RNF170: variants seen among roughly 807,000 people sequenced by gnomAD.
The protein encoded by RNF170 is E3 ubiquitin-protein ligase RNF170.
A neutral mutation model predicts 32.7 loss-of-function variants in RNF170; 12 were observed. The observed-to-expected ratio is 0.37, with a 90% CI of 0.24 to 0.60. RNF170 has a LOEUF of 0.60. RNF170 is among the 20% of genes least tolerant of loss of function. The pLI is 0.72. For synonymous variants in RNF170, 91 were observed against 103.6 expected, an observed-to-expected ratio of 0.88 and a Z score of 0.74; for missense variants, 212 against 311.2, an observed-to-expected ratio of 0.68 and a Z score of 2.40.
intron 2 of RNF170, among the ~76,000 whole-genome samples, chr8:42,881,967 G>A (rs574131691): frequency 1.3e-3 from 191 of 152,180 alleles, no homozygotes; most frequent in Non-Finnish European, 2.5e-3. Context: ...ATAGACGAAT[G>A]GCCACTAACC....
In RNF170 at chr8:42,853,608, G is replaced by A; in HGVS notation, c.*2551C>T. Reference sequence around the variant, plus strand: ...TCTGTTTTATGACAGTTATGATATTGTTGTTTAAAAAAAATCCAAATTGTT... The same window carrying A: ...TCTGTTTTATGACAGTTATGATATTATTGTTTAAAAAAAATCCAAATTGTT... On this transcript the variant is annotated 3_prime_UTR_variant, in exon 7 of 7. Transcript: ENST00000527424. The A allele has an allele frequency of 1.6e-6, 2 of 1,283,576 alleles. No homozygotes were observed. Among genetic ancestry groups the A allele is most frequent in the African/African-American group, 1.5e-5 (1 of 65,620 alleles). The allele number at this position is 1,283,576 out of a possible 1,614,324, so 79.5% of individuals were successfully genotyped here. A position where few individuals can be genotyped will look rare whatever the true frequency, so the allele number is the denominator to read the frequency against.
In RNF170 at chr8:42,855,215, T is replaced by C. The variant is rs557364723; in HGVS notation, c.*944A>G. ...GAACATCAAGTGTGCTGACTGGAGA[T>C]AAATGTTTTTCATCTTTTTTTTTTT... On this transcript the variant is annotated 3_prime_UTR_variant, in exon 7 of 7. Transcript: ENST00000527424. 191 of 1,268,778 alleles carry C rather than the reference T, an allele frequency of 1.5e-4. No individual in the cohort carries two copies. Among genetic ancestry groups the C allele is most frequent in the Non-Finnish European group, 1.9e-4 (187 of 973,774 alleles). The allele number at this position is 1,268,778 out of a possible 1,614,324, so 78.6% of individuals were successfully genotyped here. A position where few individuals can be genotyped will look rare whatever the true frequency, so the allele number is the denominator to read the frequency against.
At chr8:42,864,800 A>AT (rs11408353) in intron 5 of RNF170, among the ~76,000 whole-genome samples, 151,904 of 151,938 alleles carry the variant, frequency 1, 75,935 homozygotes, top group Middle Eastern at 1. Flanking sequence ...AAGGAAAAAA[A>AT]TTTTTTTTCA....
At chr8:42,862,568 C>T (rs1224329884) in intron 5 of RNF170, among the ~76,000 whole-genome samples, 10 of 152,084 alleles carry the variant, frequency 6.6e-5, no homozygotes, top group East Asian at 3.8e-4. Context: ...GACATAAAAA[C>T]GGGAAGGAGT....
intron 5 of RNF170, among the ~76,000 whole-genome samples, chr8:42,862,292 A>C (rs1208512981): frequency 2.0e-5 from 3 of 152,318 alleles, no homozygotes; most frequent in Non-Finnish European, 4.4e-5. Flanking sequence ...AGATCTTTGA[A>C]TGCTACCAAC....
intron 1 of RNF170, among the ~76,000 whole-genome samples, chr8:42,888,537 C>T (rs1364033113): frequency 3.3e-5 from 5 of 151,200 alleles, no homozygotes; most frequent in East Asian, 2.0e-4. Context: ...CTGAGGCAGG[C>T]GGATCACCTG....
intron 1 of RNF170, among the ~76,000 whole-genome samples, chr8:42,893,806 C>T (rs1806512412): frequency 6.6e-6 from 1 of 152,170 alleles, no homozygotes; most frequent in African/African-American, 2.4e-5. Flanking sequence ...AATCACAGCT[C>T]TAAGTATGTG....
At position 42,861,759 on chromosome 8, in the gene RNF170, C is replaced by T. The variant is rs139600871; in HGVS notation, c.493G>A (p.Gly165Arg). The T allele has an allele frequency of 1.2e-6, 2 of 1,612,454 alleles. No individual in the cohort carries two copies. Among genetic ancestry groups the T allele is most frequent in the East Asian group, 4.5e-5 (2 of 44,864 alleles). Residue 165 changes from glycine (G) to arginine (R), a missense_variant, in exon 6 of 7, where the codon GGG becomes AGG. Coordinates refer to ENST00000527424, the MANE Select transcript of RNF170 (RefSeq NM_030954.4). ...DINDYNRRFS[G>R]QPRSIMERIM... ...GCATTACTTACAGATCTGGGTTGCC[C>T]TGAGAATCTCCGGTTATAATCATTA...
intron 6 of RNF170, chr8:42,861,485 C>A (rs1803655066): frequency 7.3e-6 from 3 of 409,992 alleles, no homozygotes; most frequent in South Asian, 4.5e-5. Flanking sequence ...GGACTACAGG[C>A]ATGTGCCAAC....
intron 2 of RNF170, among the ~76,000 whole-genome samples, chr8:42,875,071 T>C (rs1173694205): frequency 6.6e-6 from 1 of 151,158 alleles, no homozygotes; most frequent in Non-Finnish European, 1.5e-5. Flanking sequence ...CTCAGAAGGC[T>C]GAGGCAGAAG....
intron 1 of RNF170, among the ~76,000 whole-genome samples, chr8:42,892,146 T>C (rs1350869090): frequency 6.6e-6 from 1 of 152,144 alleles, no homozygotes; most frequent in African/African-American, 2.4e-5. Context: ...AATTTCCTTC[T>C]TGAAAAACAG....
Position 42,896,497 on chromosome 8 carries a change from A to G in RNF170, c.-21T>C. The G allele has an allele frequency of 4.4e-6, 2 of 453,902 alleles. No homozygotes were observed. Among genetic ancestry groups the G allele is most frequent in the South Asian group, 3.1e-5 (2 of 64,468 alleles). The allele number at this position is 453,902 out of a possible 1,614,324, so 28.1% of individuals were successfully genotyped here. A position where few individuals can be genotyped will look rare whatever the true frequency, so the allele number is the denominator to read the frequency against. ...CGCCGGACGTACCTCTCCACCGCGAAGGAACTACCTCGCCAGTTCCCGGCG... is the reference window on the plus strand; with the variant it reads ...CGCCGGACGTACCTCTCCACCGCGAGGGAACTACCTCGCCAGTTCCCGGCG... On this transcript the variant is annotated 5_prime_UTR_variant, in exon 1 of 7. Transcript: ENST00000527424.
chr8:42,886,504 C>T (rs1442111208), intron 2 of RNF170, among the ~76,000 whole-genome samples: 1 of 149,430 alleles, frequency 6.7e-6, no homozygotes, highest in Admixed American at 6.6e-5. Flanking sequence ...TGGATCACTG[C>T]AACCTCTGCC....
At chr8:42,871,464 T>A (rs1294549606) in intron 3 of RNF170, among the ~76,000 whole-genome samples, 1 of 152,038 alleles carries the variant, frequency 6.6e-6, no homozygotes, top group African/African-American at 2.4e-5. Context: ...TCCAAAACAG[T>A]CCTAAATCAC....
rs759517049 is a variant in RNF170 at position 42,896,478 on chromosome 8, A to T, written c.-8+6T>A. 3.3e-5 allele frequency: 15 copies of T among 453,696 alleles called. No homozygotes were observed. The highest frequency in any genetic ancestry group is 2.8e-4 in the African/African-American group (14 of 49,922). 28.1% of individuals were successfully genotyped at this position (453,696 alleles called of 1,614,324 possible). A position where few individuals can be genotyped will look rare whatever the true frequency, so the allele number is the denominator to read the frequency against. The stretch of plus-strand genomic sequence containing the variant: ...GGTGGGCGTGGCCGCCGCGCGCCGG[A>T]CGTACCTCTCCACCGCGAAGGAACT... On this transcript the variant is annotated splice_donor_region_variant and intron_variant, in intron 1 of 6. Transcript: ENST00000527424.
intron 3 of RNF170, among the ~76,000 whole-genome samples, chr8:42,872,123 T>C (rs1804567227): frequency 6.6e-6 from 1 of 152,196 alleles, no homozygotes; most frequent in African/African-American, 2.4e-5. Flanking sequence ...TCGCCAGCCT[T>C]ATTTTCACTC....
intron 2 of RNF170, among the ~76,000 whole-genome samples, chr8:42,874,611 G>A (rs988254732): frequency 2.6e-5 from 4 of 151,886 alleles, no homozygotes; most frequent in East Asian, 2.0e-4. Context: ...GCTTGGTGGC[G>A]GGCGCCTGTA....
rs773290137 is a variant in RNF170 at position 42,861,731 on chromosome 8, T to C, written c.507+14A>G. ...GTCTTCCTCTAACTTTGAACATGCT[T>C]TAGCATTACTTACAGATCTGGGTTG... On this transcript the variant is annotated intron_variant, in intron 6 of 6. Transcript: ENST00000527424. The C allele has an allele frequency of 1.7e-5, 27 of 1,564,404 alleles. No homozygotes were observed. Among genetic ancestry groups the C allele is most frequent in the Non-Finnish European group, 2.3e-5 (26 of 1,135,158 alleles).
At chr8:42,891,698 C>T (rs748658977) in intron 1 of RNF170, among the ~76,000 whole-genome samples, 21 of 152,158 alleles carry the variant, frequency 1.4e-4, no homozygotes, top group Non-Finnish European at 2.8e-4. Flanking sequence ...TCAACCTTTA[C>T]ACTTAAACTC....
Sources: allele counts gnomAD v4.1 joint callset (sites outside exome capture counted in the v4.1 genomes callset), GRCh38; gene constraint gnomAD v4.1.1; transcripts MANE v1.5; gene names NCBI Gene and HGNC (gene_info 2026-07-23, HGNC 2026-07-21).